The following IRX6 variants were observed in gnomAD, a reference collection of about 807,000 sequenced individuals.
The protein encoded by IRX6 is iroquois-class homeodomain protein IRX-6.
IRX6 carries 46 observed loss-of-function variants against 47.7 expected under a neutral mutation model. That is an observed-to-expected ratio of 0.96 (90% CI 0.76 to 1.23). IRX6 has a LOEUF of 1.23. IRX6 is among the 50% of genes most tolerant of loss of function. The probability of loss-of-function intolerance (pLI) is 0.00; values close to 1 mark genes in which losing one functional copy is unlikely to be tolerated. For missense variants in IRX6, 722 were observed against 588.0 expected (o/e 1.23, Z -2.36); for synonymous variants, 265 against 246.2 (o/e 1.08, Z -0.72).
In IRX6 at chr16:55,330,568, A is replaced by G; in HGVS notation, c.*263A>G. ...GGGAGGCTGGGAGGCTGCCCCACCC[A>G]CCGACTCTACCAAGTCTCTCTTCCT... On this transcript the variant is annotated 3_prime_UTR_variant, in exon 6 of 6. Transcript: ENST00000290552. 1.8e-6 allele frequency: 1 copy of G among 554,336 alleles called. No homozygotes were observed. The allele number at this position is 554,336 out of a possible 1,614,324, so 34.3% of individuals were successfully genotyped here.
At chr16:55,329,777 G>A (rs544640679) in intron 5 of IRX6, among the ~76,000 whole-genome samples, 5 of 152,300 alleles carry the variant, frequency 3.3e-5, no homozygotes, top group South Asian at 4.1e-4. Context: ...TGGGCCAGAC[G>A]CACACCACAG....
At position 55,327,386 on chromosome 16, in the gene IRX6, G is replaced by T; in HGVS notation, c.394G>T (p.Gly132Trp). The T allele has an allele frequency of 6.2e-7, 1 of 1,613,560 alleles. No homozygotes were observed. Residue 132 changes from glycine (G) to tryptophan (W), a missense_variant, in exon 3 of 6, where the codon GGG becomes TGG. By Grantham distance (184) the Gly-to-Trp change is radical (BLOSUM62 -2). Transcript: ENST00000290552. ...CTATTATCCCTATGAGCGGACTCTG[G>T]GGCAGTACCAATATGAACGGTAAGG... Reference protein sequence around the residue: ...GAYYPYERTLGQYQYERYGAV... With the variant: ...GAYYPYERTLWQYQYERYGAV...
intron 2 of IRX6, 145 bp from the exon 3 acceptor site, chr16:55,327,151 G>A: frequency 1.6e-6 from 1 of 642,930 alleles, no homozygotes; most frequent in South Asian, 1.8e-5. Context: ...GCACAGAGTG[G>A]TTAAGCCACT....
intron 1 of IRX6, 40 bp downstream of exon 1, chr16:55,325,176 T>C (rs747208644): frequency 6.3e-7 from 1 of 1,597,824 alleles, no homozygotes; most frequent in East Asian, 2.2e-5. Flanking sequence ...ACAGACTGGG[T>C]GGAGGGAGTG....
chr16:55,326,620 G>C (rs1379353388), intron 2 of IRX6, 27 bp downstream of exon 2: 14 of 1,484,660 alleles, frequency 9.4e-6, no homozygotes, highest in African/African-American at 1.4e-5. Context: ...AGTCCCAGGG[G>C]AGTGAGCAGT....
At position 55,324,992 on chromosome 16, in the gene IRX6, G is replaced by T. The variant is rs549271745; in HGVS notation, c.-100G>T. The T allele has an allele frequency of 8.8e-6, 11 of 1,255,864 alleles. No homozygotes were observed. Among genetic ancestry groups the T allele is most frequent in the Non-Finnish European group, 1.2e-6 (1 of 860,646 alleles). 77.8% of individuals were successfully genotyped at this position (1,255,864 alleles called of 1,614,324 possible). Reference sequence around the variant, plus strand: ...GGAACCGGCGCTGGGCATCCGCAGCGGTGTAAGGAACTGAGACACCTCACT... The same window carrying T: ...GGAACCGGCGCTGGGCATCCGCAGCTGTGTAAGGAACTGAGACACCTCACT... On this transcript the variant is annotated 5_prime_UTR_variant, in exon 1 of 6. Transcript: ENST00000290552. The surrounding 1 kb of genome is among the most constrained non-coding windows in gnomAD (Gnocchi z 4.4).
chr16:55,325,481 A>AG (rs1403269434), intron 1 of IRX6, among the ~76,000 whole-genome samples: 1 of 14,050 alleles, frequency 7.1e-5, no homozygotes. Context: ...GAAAGAAATA[A>AG]GGAAGGAAGG....
At chr16:55,328,573 C>A in intron 4 of IRX6, 127 bp from the exon 5 acceptor site, 1 of 942,614 alleles carries the variant, frequency 1.1e-6, no homozygotes, top group Non-Finnish European at 1.6e-6. Context: ...TACGGCAGGT[C>A]TGGTGAATTA....
intron 3 of IRX6, 63 bp downstream of exon 3, chr16:55,327,468 G>C (rs1340921178): frequency 6.4e-7 from 1 of 1,569,764 alleles, no homozygotes; most frequent in African/African-American, 1.3e-5. Context: ...TGCCAAGGTA[G>C]GGTGGATGGC....
chr16:55,325,500 AAG>A (rs1567338458), intron 1 of IRX6, among the ~76,000 whole-genome samples: 5 of 21,524 alleles, frequency 2.3e-4, no homozygotes, highest in Non-Finnish European at 3.8e-4. Flanking sequence ...GGAAGGAAGG[AAG>A]GAAGGAAGGA....
intron 1 of IRX6, among the ~76,000 whole-genome samples, chr16:55,325,561 GAAAGAA>G (rs1567338606): frequency 0.011 from 1,008 of 93,272 alleles, 249 homozygotes; most frequent in East Asian, 0.017. Flanking sequence ...GAGAGAGAGA[GAAAGAA>G]AGAGAAAGAA....
Position 55,328,894 on chromosome 16 carries a change from C to G in IRX6, c.916C>G (p.Arg306Gly), listed in dbSNP as rs200259402. The change falls in exon 5 of 6, where the codon CGC (arginine) becomes GGC (glycine). Residue 306 changes from arginine to glycine, a missense_variant. By Grantham distance (125) the Arg-to-Gly change is moderately radical (BLOSUM62 -2). Coordinates refer to ENST00000290552, the MANE Select transcript of IRX6 (RefSeq NM_024335.3). Reference protein sequence around the residue: ...CAAAREGRLERRECGLAAPRF... With the variant: ...CAAAREGRLEGRECGLAAPRF... The stretch of plus-strand genomic sequence containing the variant: ...TGCAGCTCGAGAGGGCCGATTGGAG[C>G]GCAGGGAGTGCGGCCTGGCTGCGCC... 1.3e-4 allele frequency: 215 copies of G among 1,612,936 alleles called. No individual in the cohort carries two copies. The highest frequency in any genetic ancestry group is 1.7e-4 in the Non-Finnish European group (198 of 1,179,958).
chr16:55,327,350 C>A lies in IRX6; in HGVS notation c.358C>A (p.Gln120Lys), dbSNP rs1280065425. 2.5e-6 allele frequency: 4 copies of A among 1,614,012 alleles called. No homozygotes were observed. Among genetic ancestry groups the A allele is most frequent in the African/African-American group, 1.3e-5 (1 of 75,028 alleles). The change falls in exon 3 of 6, where the codon CAA becomes AAA. Residue 120 changes from glutamine (Q) to lysine (K), a missense_variant. By Grantham distance (53) the Gln-to-Lys change is moderately conservative. Coordinates refer to ENST00000290552, the MANE Select transcript of IRX6 (RefSeq NM_024335.3). ...AAGSFTSSLA[Q>K]PGAYYPYERT... ...AGGGAGTTTTACATCCAGCCTGGCA[C>A]AACCAGGAGCCTATTATCCCTATGA...
At position 55,325,082 on chromosome 16, in the gene IRX6, G is replaced by A; in HGVS notation, c.-10G>A. 1.9e-6 allele frequency: 3 copies of A among 1,614,010 alleles called. No homozygotes were observed. The highest frequency in any genetic ancestry group is 1.1e-5 in the South Asian group (1 of 91,080). On this transcript the variant is annotated 5_prime_UTR_variant, in exon 1 of 6. Coordinates refer to ENST00000290552, the MANE Select transcript of IRX6 (RefSeq NM_024335.3). ...ACAGGGAAGAGAGAGACGGGCCAGG[G>A]ACAGCCACCATGTCCTTCCCACACT...
Position 55,327,796 on chromosome 16 carries a change from C to T in IRX6, c.624C>T (p.Asn208=), listed in dbSNP as rs1421983982. The T allele has an allele frequency of 1.9e-6, 3 of 1,612,780 alleles. No individual in the cohort carries two copies. Among genetic ancestry groups the T allele is most frequent in the African/African-American group, 1.3e-5 (1 of 74,970 alleles). ...ANARRRLKKE[N]KMTWAPKNKG... Reference sequence around the variant, plus strand: ...CACGCCGGCGCCTCAAGAAAGAGAACAAAATGACATGGGCGCCCAAGAACA... The same window carrying T: ...CACGCCGGCGCCTCAAGAAAGAGAATAAAATGACATGGGCGCCCAAGAACA... The change falls in exon 4 of 6, where the codon AAC becomes AAT. Residue 208 remains asparagine (N), a synonymous_variant. Transcript: ENST00000290552.
Position 55,329,326 on chromosome 16 carries a change from G to A in IRX6, c.1333+15G>A, listed in dbSNP as rs31087. The A allele has an allele frequency of 0.35, 553,029 of 1,582,520 alleles. 98,073 individuals are homozygous for A. Among genetic ancestry groups the A allele is most frequent in the East Asian group, 0.46 (20,307 of 44,268 alleles). On this transcript the variant is annotated intron_variant, in intron 5 of 5. Transcript: ENST00000290552. ...TGGAGCAGAAGGTAGTGGGCCCCCA[G>A]CGGCGCTGGGAGTATCTATGCAAAA...
intron 1 of IRX6, 136 bp downstream of exon 1, chr16:55,325,272 C>G: frequency 1.3e-6 from 1 of 768,122 alleles, no homozygotes; most frequent in Non-Finnish European, 2.2e-6. Flanking sequence ...TAATGTGTCA[C>G]AGCCTCCTCT....
intron 1 of IRX6, 22 bp downstream of exon 1, chr16:55,325,158 G>C (rs765163109): frequency 1.2e-6 from 2 of 1,612,668 alleles, no homozygotes; most frequent in Admixed American, 1.7e-5. Flanking sequence ...CTCTATGGGG[G>C]ATAGGGGACA....
At position 55,326,387 on chromosome 16, in the gene IRX6, T is replaced by C; in HGVS notation, c.97T>C (p.Ser33Pro). 6.2e-7 allele frequency: 1 copy of C among 1,613,996 alleles called. No individual in the cohort carries two copies. Residue 33 changes from serine to proline, a missense_variant, in exon 2 of 6, where the codon TCT becomes CCT. Physicochemically the swap from Ser to Pro is moderately conservative, Grantham distance 74. Coordinates refer to ENST00000290552, the MANE Select transcript of IRX6 (RefSeq NM_024335.3). Reference sequence around the variant, plus strand: ...CACATGCTGCGAATCTACCCAACGCTCTGTCTCAGATGTGGCATCAGGCTC... The same window carrying C: ...CACATGCTGCGAATCTACCCAACGCCCTGTCTCAGATGTGGCATCAGGCTC... The part of the protein sequence containing the change: ...STTCCESTQR[S>P]VSDVASGSTP...
Sources: allele counts gnomAD v4.1 joint callset (sites outside exome capture counted in the v4.1 genomes callset), GRCh38; gene constraint gnomAD v4.1.1; non-coding constraint Gnocchi (gnomAD v3.1); transcripts MANE v1.5; gene names NCBI Gene and HGNC (gene_info 2026-07-23, HGNC 2026-07-21).